PSMB5: variants seen among roughly 807,000 people sequenced by gnomAD.
The protein encoded by PSMB5 is proteasome subunit beta type-5.
Under a neutral mutation model 22.8 loss-of-function variants are expected in PSMB5, and 2 were observed. The observed-to-expected ratio is 0.09, with a 90% CI of 0.04 to 0.28. The LOEUF (loss-of-function observed/expected upper bound fraction) is 0.28. Among genes scored for constraint, PSMB5 ranks in the 10% least tolerant of loss-of-function variants. The probability of loss-of-function intolerance (pLI) is 1.00; values close to 1 mark genes in which losing one functional copy is unlikely to be tolerated. For synonymous variants in PSMB5, 133 were observed against 135.3 expected (o/e 0.98, Z 0.12); for missense variants, 269 against 343.8 (o/e 0.78, Z 1.72).
Position 23,033,685 on chromosome 14 carries a change from C to G in PSMB5, c.199-11G>C, listed in dbSNP as rs774017937. 1 of 1,594,630 alleles carries G rather than the reference C, an allele frequency of 6.3e-7. No homozygotes were observed. The highest frequency in any genetic ancestry group is 8.6e-7 in the Non-Finnish European group (1 of 1,165,888). On this transcript the variant is annotated splice_polypyrimidine_tract_variant and intron_variant, in intron 1 of 2. Transcript: ENST00000361611. Reference sequence around the variant, plus strand: ...GACTCCATGGCGGAACTGTTAAGATCAGAGGAAAACACAAAACAGGCCACA... The same window carrying G: ...GACTCCATGGCGGAACTGTTAAGATGAGAGGAAAACACAAAACAGGCCACA...
At chr14:23,032,947 C>T (rs1296068559) in intron 2 of PSMB5, among the ~76,000 whole-genome samples, 2 of 150,690 alleles carry the variant, frequency 1.3e-5, no homozygotes, top group Non-Finnish European at 3.0e-5. Context: ...CACTCTGTCG[C>T]CCAGGCTGGA....
intron 2 of PSMB5, among the ~76,000 whole-genome samples, chr14:23,030,701 T>G (rs958154031): frequency 4.0e-5 from 6 of 151,796 alleles, no homozygotes; most frequent in African/African-American, 7.3e-5. Flanking sequence ...CTGAGGCAGG[T>G]GGATCACCCG....
chr14:23,033,728 T>A (rs1051539428), intron 1 of PSMB5, 54 bp from the exon 2 acceptor site: 84 of 1,489,174 alleles, frequency 5.6e-5, no homozygotes, highest in Non-Finnish European at 1.3e-5. Flanking sequence ...ACAAAAACAC[T>A]CCTACATACT....
chr14:23,034,511 A>G lies in PSMB5; in HGVS notation c.198+173T>C, dbSNP rs1169405575. ...ACCGCCACCCTTTCCAACCAGAGCA[A>G]AGACAGGGGCCTCCTGGGCCAATGA... is the stretch of plus-strand genomic sequence containing the variant. On this transcript the variant is annotated intron_variant, in intron 1 of 2. Coordinates refer to ENST00000361611, the MANE Select transcript of PSMB5 (RefSeq NM_002797.5). 8.5e-5 allele frequency: 63 copies of G among 745,178 alleles called. No homozygotes were observed. The East Asian group carries it at 1.7e-3, about 20-fold the overall frequency. 46.2% of individuals were successfully genotyped at this position (745,178 alleles called of 1,614,324 possible). A position where few individuals can be genotyped will look rare whatever the true frequency, so the allele number is the denominator to read the frequency against.
chr14:23,032,472 G>A (rs571415891), intron 2 of PSMB5, among the ~76,000 whole-genome samples: 17 of 152,218 alleles, frequency 1.1e-4, no homozygotes, highest in Non-Finnish European at 1.6e-4. Flanking sequence ...GAAAAAAACA[G>A]AAGAGAAATG....
intron 2 of PSMB5, among the ~76,000 whole-genome samples, chr14:23,029,024 A>C (rs1305716090): frequency 6.6e-6 from 1 of 152,134 alleles, no homozygotes; most frequent in Non-Finnish European, 1.5e-5. Context: ...CTCACATCTC[A>C]CTGTGCACTA....
At chr14:23,029,707 G>A (rs1178123251) in intron 2 of PSMB5, among the ~76,000 whole-genome samples, 3 of 151,646 alleles carry the variant, frequency 2.0e-5, no homozygotes, top group African/African-American at 7.3e-5. Context: ...TGCACCTCCA[G>A]GGTTCAAGAG....
chr14:23,034,790 C>A lies in PSMB5; in HGVS notation c.92G>T (p.Gly31Val), dbSNP rs1373192135. 2.5e-6 allele frequency: 4 copies of A among 1,614,244 alleles called. No individual in the cohort carries two copies. Among genetic ancestry groups the A allele is most frequent in the Non-Finnish European group, 3.4e-6 (4 of 1,180,048 alleles). ...LGGRADLLDLGPGSLSDGLSL... is the reference protein window; with the variant it reads ...LGGRADLLDLVPGSLSDGLSL... ...CAGACCATCACTGAGACTCCCTGGACCTAGATCCAGCAGATCTGCACGACC... is the reference window on the plus strand; with the variant it reads ...CAGACCATCACTGAGACTCCCTGGAACTAGATCCAGCAGATCTGCACGACC... The change falls in exon 1 of 3, where the codon GGT (glycine) becomes GTT (valine). Residue 31 changes from glycine (G) to valine (V), a missense_variant. Physicochemically the swap from Gly to Val is moderately radical, Grantham distance 109. This residue lies in a region of PSMB5 where 81 missense variants were observed against 70.4 expected (regional missense o/e 1.15). Transcript: ENST00000361611.
intron 2 of PSMB5, among the ~76,000 whole-genome samples, chr14:23,027,994 T>C (rs1411711351): frequency 1.3e-5 from 2 of 151,928 alleles, no homozygotes; most frequent in Non-Finnish European, 2.9e-5. Flanking sequence ...AAATACAAAA[T>C]TAGCCAGGCG....
rs561234583 is a variant in PSMB5 at position 23,033,478 on chromosome 14, C to T, written c.395G>A (p.Arg132His). The T allele has an allele frequency of 1.2e-6, 2 of 1,614,094 alleles. No homozygotes were observed. The highest frequency in any genetic ancestry group is 1.7e-6 in the Non-Finnish European group (2 of 1,180,036). ...CRIYELRNKE[R>H]ISVAAASKLL... ...TTTGGAGGCAGCTGCTACAGAGATG[C>T]GTTCCTTATTTCGAAGCTCATAGAT... Residue 132 changes from arginine (R) to histidine (H), a missense_variant, in exon 2 of 3, where the codon CGC (arginine) becomes CAC (histidine). By Grantham distance (29) the Arg-to-His change is conservative. Coordinates refer to ENST00000361611, the MANE Select transcript of PSMB5 (RefSeq NM_002797.5).
At chr14:23,033,230 A>AAAAAAGAGAGGG in intron 2 of PSMB5, 138 bp downstream of exon 2, 1 of 954,450 alleles carries the variant, frequency 1.0e-6, no homozygotes, top group East Asian at 2.4e-5. Context: ...ACAGGAAAAA[A>AAAAAAGAGAGGG]AAAAAGAGAG....
Position 23,026,247 on chromosome 14 carries a change from A to G in PSMB5, c.634T>C (p.Tyr212His). ...TAGATGGCTCGACGGGCCAGATCAT[A>G]GGCCTGCTCCACTTCCAGGTCATAG... ...YSYDLEVEQAYDLARRAIYQA... is the reference protein window; with the variant it reads ...YSYDLEVEQAHDLARRAIYQA... Residue 212 changes from tyrosine (Y) to histidine (H), a missense_variant, in exon 3 of 3, where the codon TAT becomes CAT. Physicochemically the swap from Tyr to His is moderately conservative, Grantham distance 83. Around this residue, in one of 3 missense-constraint regions of PSMB5, gnomAD observed 113 missense variants for 130.2 expected, o/e 0.87. Coordinates refer to ENST00000361611, the MANE Select transcript of PSMB5 (RefSeq NM_002797.5). The G allele has an allele frequency of 6.2e-7, 1 of 1,614,116 alleles. No individual in the cohort carries two copies. The highest frequency in any genetic ancestry group is 8.5e-7 in the Non-Finnish European group (1 of 1,180,010).
At chr14:23,031,364 CCT>C (rs1166658426) in intron 2 of PSMB5, among the ~76,000 whole-genome samples, 7 of 152,188 alleles carry the variant, frequency 4.6e-5, no homozygotes, top group Non-Finnish European at 1.0e-4. Context: ...AAAGTGAGCT[CCT>C]CTCTCACATC....
At chr14:23,030,090 C>T (rs1353231914) in intron 2 of PSMB5, among the ~76,000 whole-genome samples, 1 of 152,034 alleles carries the variant, frequency 6.6e-6, no homozygotes, top group Non-Finnish European at 1.5e-5. Flanking sequence ...GTTGGTCAGG[C>T]TGGTCTCGAA....
intron 2 of PSMB5, among the ~76,000 whole-genome samples, chr14:23,027,998 C>A (rs1350026746): frequency 2.1e-4 from 32 of 152,104 alleles, no homozygotes. Flanking sequence ...ACAAAATTAG[C>A]CAGGCGTGGT....
At chr14:23,027,074 C>G (rs1370155840) in intron 2 of PSMB5, among the ~76,000 whole-genome samples, 4 of 127,156 alleles carry the variant, frequency 3.1e-5, no homozygotes, top group Non-Finnish European at 4.9e-5. Flanking sequence ...AAGAGTGAAA[C>G]GCTGTCTCAA....
chr14:23,033,386 A>G lies in PSMB5; in HGVS notation c.487T>C (p.Trp163Arg). ...AACTCACCAGGGCCTCTCTTATCCC[A>G]GCCACAGATCATGGTGCCCATGGAC... ...GLSMGTMICG[W>R]DKRGPGLYYV... is the part of the protein sequence containing the mutation. The change falls in exon 2 of 3, where the codon TGG becomes CGG. Residue 163 changes from tryptophan to arginine, a missense_variant. Trp to Arg is a moderately radical substitution (Grantham distance 101). Transcript: ENST00000361611. 6.2e-7 allele frequency: 1 copy of G among 1,610,798 alleles called. No homozygotes were observed. Among genetic ancestry groups the G allele is most frequent in the Non-Finnish European group, 8.5e-7 (1 of 1,177,306 alleles).
chr14:23,027,074 C>T (rs1370155840), intron 2 of PSMB5, among the ~76,000 whole-genome samples: 11 of 127,022 alleles, frequency 8.7e-5, no homozygotes, highest in Admixed American at 6.6e-4. Context: ...AAGAGTGAAA[C>T]GCTGTCTCAA....
At chr14:23,030,574 AC>A (rs2139917613) in intron 2 of PSMB5, among the ~76,000 whole-genome samples, 1 of 152,268 alleles carries the variant, frequency 6.6e-6, no homozygotes, top group African/African-American at 2.4e-5. Context: ...TTGTCCCAAG[AC>A]CCCTGCATAT....
Sources: allele counts gnomAD v4.1 joint callset (sites outside exome capture counted in the v4.1 genomes callset), GRCh38; gene constraint gnomAD v4.1.1; regional missense constraint gnomAD v4.1.1; transcripts MANE v1.5; gene names NCBI Gene and HGNC (gene_info 2026-07-23, HGNC 2026-07-21).